Variants in ITIH6 observed in about 807,000 individuals in gnomAD.
The protein encoded by ITIH6 is inter-alpha-trypsin inhibitor heavy chain family member 6, also known as inter-alpha-trypsin inhibitor heavy chain H6.
In ITIH6, 60 loss-of-function variants were observed where a neutral mutation model predicts 58.2. The observed-to-expected ratio is 1.03, with a 90% CI of 0.84 to 1.28. The LOEUF is 1.28. ITIH6 is among the 50% of genes most tolerant of loss of function. The probability of loss-of-function intolerance (pLI) is 0.00; values close to 1 mark genes in which losing one functional copy is unlikely to be tolerated. For missense variants in ITIH6, 1,290 were observed against 1,021.1 expected (o/e 1.26, Z -3.59); for synonymous variants, 493 against 417.4 (o/e 1.18, Z -2.21).
chrX:54,752,919 G>T (rs1928394948), intron 11 of ITIH6, among the ~76,000 whole-genome samples: 1 of 112,520 alleles, frequency 8.9e-6, no homozygotes, highest in African/African-American at 3.2e-5. Context: ...GGTTTTGGGA[G>T]ATGCTCAAGA....
intron 6 of ITIH6, among the ~76,000 whole-genome samples, chrX:54,762,858 A>G (rs894680959): frequency 8.9e-6 from 1 of 112,129 alleles, no homozygotes; most frequent in African/African-American, 3.2e-5. Context: ...AGGATCTACT[A>G]TTAGGTATCA....
chrX:54,797,531 G>A (rs902069631), intron 1 of ITIH6, among the ~76,000 whole-genome samples: 46 of 112,023 alleles, frequency 4.1e-4, no homozygotes, highest in African/African-American at 1.2e-3. Flanking sequence ...CAGAGCATCC[G>A]CCATTCATTG....
At chrX:54,763,868 T>A (rs781569635) in intron 6 of ITIH6, among the ~76,000 whole-genome samples, 1 of 112,336 alleles carries the variant, frequency 8.9e-6, no homozygotes, top group Non-Finnish European at 1.9e-5. Context: ...TGCATGCACA[T>A]TAAGGATTGT....
chrX:54,751,931 A>T (rs1036595598), intron 11 of ITIH6, among the ~76,000 whole-genome samples: 1 of 111,256 alleles, frequency 9.0e-6, no homozygotes, highest in Admixed American at 9.6e-5. Context: ...AGTGTAGCAG[A>T]GTATGTTTGC....
At chrX:54,797,276 C>G (rs927171225) in intron 1 of ITIH6, among the ~76,000 whole-genome samples, 180 bp from the exon 2 acceptor site, 1 of 111,835 alleles carries the variant, frequency 8.9e-6, no homozygotes, top group African/African-American at 3.2e-5. Context: ...ATTACTTCAG[C>G]AAGCTTTATC....
At position 54,749,292 on chromosome X, in the gene ITIH6, C is replaced by G. The variant is rs1928302926; in HGVS notation, c.*603G>C. ...TCACAGTCTAAGTCAGGGATCCAGA[C>G]AAGTAAACAGATGATTACTACACAG... On this transcript the variant is annotated 3_prime_UTR_variant, in exon 13 of 13. Transcript: ENST00000218436. 1.8e-5 allele frequency: 2 copies of G among 111,436 alleles called. No homozygotes were observed. Among genetic ancestry groups the G allele is most frequent in the African/African-American group, 6.5e-5 (2 of 30,548 alleles). The allele number at this position is 111,436 out of a possible 1,213,427, so 9.2% of individuals were successfully genotyped here. A position where few individuals can be genotyped will look rare whatever the true frequency, so the allele number is the denominator to read the frequency against.
In ITIH6 at chrX:54,750,095, G is replaced by T. The variant is rs762777909; in HGVS notation, c.3742C>A (p.His1248Asn). 1 of 1,204,564 alleles carries T rather than the reference G, an allele frequency of 8.3e-7. No homozygotes were observed. The highest frequency in any genetic ancestry group is 2.2e-5 in the Admixed American group (1 of 45,794). ...SARGLIGQFQHADIRLVTGPM... is the reference protein window; with the variant it reads ...SARGLIGQFQNADIRLVTGPM... ...CCTGTCACCAGTCGGATGTCTGCGT[G>T]CTGGAACTGCCCTGAGGGAGAGAGA... Residue 1248 changes from histidine to asparagine, a missense_variant, in exon 13 of 13, where the codon CAC becomes AAC. His to Asn is a moderately conservative substitution (Grantham distance 68). Transcript: ENST00000218436.
In ITIH6 at chrX:54,749,216, G is replaced by T. The variant is rs1928300784; in HGVS notation, c.*679C>A. The T allele has an allele frequency of 9.0e-6, 1 of 111,599 alleles. No individual in the cohort carries two copies. The highest frequency in any genetic ancestry group is 1.9e-5 in the Non-Finnish European group (1 of 53,164). The allele number at this position is 111,599 out of a possible 1,213,427, so 9.2% of individuals were successfully genotyped here. A position where few individuals can be genotyped will look rare whatever the true frequency, so the allele number is the denominator to read the frequency against. ...TTTACTAAGCACCTATTATGTGAGA[G>T]GCACTGGGGATACATAGATGATTCA... On this transcript the variant is annotated 3_prime_UTR_variant, in exon 13 of 13. Transcript: ENST00000218436.
chrX:54,754,077 T>A (rs1928434944), intron 9 of ITIH6, 112 bp from the exon 10 acceptor site: 1 of 753,636 alleles, frequency 1.3e-6, no homozygotes, highest in Non-Finnish European at 2.0e-6. Flanking sequence ...CATTTAAGGC[T>A]TTTCTGAAAT....
rs1928538596 is a variant in ITIH6 at position 54,757,937 on chromosome X, A to C, written c.2137T>G (p.Ser713Ala). ...PKAKIPAQQD[S>A]GTLAQPTLRT... ...AGAGTTGGCTGGGCCAAGGTGCCAG[A>C]ATCCTGTTGTGCTGGAATTTTGGCC... is the stretch of plus-strand genomic sequence containing the variant. The change falls in exon 8 of 13, where the codon TCT (serine) becomes GCT (alanine). Residue 713 changes from serine to alanine, a missense_variant. Transcript: ENST00000218436. 9 of 1,211,882 alleles carry C rather than the reference A, an allele frequency of 7.4e-6. No individual in the cohort carries two copies. Among genetic ancestry groups the C allele is most frequent in the Non-Finnish European group, 8.9e-6 (8 of 895,437 alleles).
intron 6 of ITIH6, among the ~76,000 whole-genome samples, chrX:54,767,186 T>C: frequency 9.4e-6 from 1 of 106,171 alleles, no homozygotes; most frequent in Non-Finnish European, 1.9e-5. Context: ...TAGAGGTGTT[T>C]GTAGTATTCT....
At chrX:54,772,505 A>G (rs760254750) in intron 6 of ITIH6, among the ~76,000 whole-genome samples, 46 of 112,567 alleles carry the variant, frequency 4.1e-4, no homozygotes, top group East Asian at 2.8e-4. Flanking sequence ...CTAAAATAAA[A>G]GTTGGAAAAA....
intron 2 of ITIH6, among the ~76,000 whole-genome samples, chrX:54,796,340 T>A (rs192532394): frequency 8.9e-6 from 1 of 112,607 alleles, no homozygotes; most frequent in African/African-American, 3.2e-5. Flanking sequence ...AATATGTGCC[T>A]GGAGCTAATT....
intron 4 of ITIH6, 142 bp downstream of exon 4, chrX:54,790,695 G>T: frequency 1.3e-6 from 1 of 755,870 alleles, no homozygotes; most frequent in Non-Finnish European, 1.9e-6. Context: ...CTTCAAACAT[G>T]CCCTCTTCTC....
At chrX:54,776,336 G>A (rs755934228) in intron 5 of ITIH6, among the ~76,000 whole-genome samples, 1 of 111,254 alleles carries the variant, frequency 9.0e-6, no homozygotes, top group African/African-American at 3.3e-5. Context: ...AGTGCTCTAG[G>A]GCTCTAAATA....
At chrX:54,764,952 C>T (rs1928738560) in intron 6 of ITIH6, among the ~76,000 whole-genome samples, 1 of 86,400 alleles carries the variant, frequency 1.2e-5, no homozygotes, top group Non-Finnish European at 2.2e-5. Context: ...GATTGCCATT[C>T]TAACTGGTGT....
chrX:54,754,942 A>C (rs1413796225), intron 9 of ITIH6, 75 bp downstream of exon 9: 1 of 807,966 alleles, frequency 1.2e-6, no homozygotes, highest in East Asian at 3.1e-5. Context: ...CTGGTCTCCC[A>C]CAATGTCAAT....
Position 54,751,149 on chromosome X carries a change from G to C in ITIH6, c.3584C>G (p.Ala1195Gly). 8.3e-7 allele frequency: 1 copy of C among 1,210,713 alleles called. No individual in the cohort carries two copies. The highest frequency in any genetic ancestry group is 1.8e-5 in the South Asian group (1 of 56,692). ...GGGCCCAAGGCGGAGGGTAAGGCGG[G>C]CTGCAGCAGCCACATAGAGCTCCAG... ...PQLELYVAAAARLTLRLGPYL... is the reference protein window; with the variant it reads ...PQLELYVAAAGRLTLRLGPYL... The change falls in exon 12 of 13, where the codon GCC (alanine) becomes GGC (glycine). Residue 1195 changes from alanine to glycine, a missense_variant. Physicochemically the swap from Ala to Gly is moderately conservative, Grantham distance 60. Transcript: ENST00000218436.
Position 54,759,767 on chromosome X carries a change from T to C in ITIH6, c.1064A>G (p.Glu355Gly). 1 of 1,207,826 alleles carries C rather than the reference T, an allele frequency of 8.3e-7. No individual in the cohort carries two copies. The highest frequency in any genetic ancestry group is 1.1e-6 in the Non-Finnish European group (1 of 893,579). The change falls in exon 7 of 13, where the codon GAA becomes GGA. Residue 355 changes from glutamate (E) to glycine (G), a missense_variant. By Grantham distance (98) the Glu-to-Gly change is moderately conservative. Transcript: ENST00000218436. ...GATCTAACACTTACAGCCATCGGCTTCCATGCAATGCAGGTAGTCCTTGGC... is the reference window on the plus strand; with the variant it reads ...GATCTAACACTTACAGCCATCGGCTCCCATGCAATGCAGGTAGTCCTTGGC... ...HSAKDYLHCM[E>G]ADGWTDVNSA... is the part of the protein sequence containing the mutation.
Sources: gnomAD v4.1 joint callset for allele counts (sites outside exome capture counted in the v4.1 genomes callset) on GRCh38, gnomAD v4.1.1 for gene constraint, MANE v1.5 for transcripts, NCBI Gene and HGNC (gene_info 2026-07-23, HGNC 2026-07-21) for gene names.